The following MNDA variants were observed in gnomAD, a reference collection of about 807,000 sequenced individuals.
The protein encoded by MNDA is epididymis secretory sperm binding protein.
MNDA carries 43 observed loss-of-function variants against 37.8 expected under a neutral mutation model. That is an observed-to-expected ratio of 1.14 (90% confidence interval 0.89 to 1.47). The LOEUF (loss-of-function observed/expected upper bound fraction) is 1.47. Among genes scored for constraint, MNDA ranks in the 40% most tolerant of loss-of-function variants. The pLI, the probability that MNDA is intolerant of heterozygous loss-of-function variation, is 0.00. For missense variants in MNDA, 536 were observed against 476.0 expected (o/e 1.13, Z -1.17); for synonymous variants, 181 against 169.0 (o/e 1.07, Z -0.55).
chr1:158,837,198 T>C (rs1055510959), intron 1 of MNDA, among the ~76,000 whole-genome samples: 2 of 151,912 alleles, frequency 1.3e-5, no homozygotes, highest in Non-Finnish European at 3.0e-5. Context: ...GTTTTGGATA[T>C]ATCTGTTAGA....
At chr1:158,839,085 A>G (rs1558055524) in intron 1 of MNDA, among the ~76,000 whole-genome samples, 1 of 152,078 alleles carries the variant, frequency 6.6e-6, no homozygotes, top group Non-Finnish European at 1.5e-5. Context: ...GTTTCTTTAG[A>G]GAAAGTTTGT....
Position 158,842,326 on chromosome 1 carries a change from G to T in MNDA, c.173G>T (p.Gly58Val), listed in dbSNP as rs1018000326. Residue 58 changes from glycine (G) to valine (V), a missense_variant, in exon 2 of 7, where the codon GGC becomes GTC. Transcript: ENST00000368141. ...GATTTGATGGAAAAAAAGTTCCAAG[G>T]CGTTGCCTGTCTAGACAAACTAATA... ...ITDLMEKKFQ[G>V]VACLDKLIEL... 6.2e-7 allele frequency: 1 copy of T among 1,614,112 alleles called. No homozygotes were observed. The highest frequency in any genetic ancestry group is 8.5e-7 in the Non-Finnish European group (1 of 1,179,998).
intron 3 of MNDA, among the ~76,000 whole-genome samples, chr1:158,843,627 G>A (rs1246965082): frequency 2.0e-5 from 3 of 152,196 alleles, no homozygotes; most frequent in East Asian, 1.9e-4. Flanking sequence ...TAAAAATGGG[G>A]TAATAATCAT....
intron 1 of MNDA, among the ~76,000 whole-genome samples, chr1:158,836,675 C>CTT (rs541019117): frequency 6.6e-6 from 1 of 151,384 alleles, no homozygotes; most frequent in Non-Finnish European, 1.5e-5. Context: ...AAAACCAACT[C>CTT]TTTTTTTTAT....
At chr1:158,839,474 A>C (rs1658987098) in intron 1 of MNDA, among the ~76,000 whole-genome samples, 2 of 152,188 alleles carry the variant, frequency 1.3e-5, no homozygotes, top group South Asian at 4.1e-4. Context: ...AGCTCTCACA[A>C]GCTGGAGCAC....
In MNDA at chr1:158,845,823, T is replaced by C; in HGVS notation, c.807T>C (p.Ser269=). ...TAAGGAAGAAGGTCATTACCATATC[T>C]GATTACTCTGAATGTAAAGGAGTAA... ...KFVRKKVITI[S]DYSECKGVME... The change falls in exon 5 of 7, where the codon TCT becomes TCC. Residue 269 remains serine (S), a synonymous_variant. Coordinates refer to ENST00000368141, the MANE Select transcript of MNDA (RefSeq NM_002432.3). The C allele has an allele frequency of 6.2e-7, 1 of 1,614,132 alleles. No individual in the cohort carries two copies.
intron 1 of MNDA, among the ~76,000 whole-genome samples, chr1:158,836,053 C>A (rs1301482175): frequency 1.3e-5 from 2 of 151,708 alleles, no homozygotes; most frequent in East Asian, 3.9e-4. Context: ...CATGGTGAGC[C>A]ATCATTGCAT....
intron 1 of MNDA, among the ~76,000 whole-genome samples, chr1:158,835,621 CG>C (rs1558054310): frequency 8.6e-5 from 3 of 35,006 alleles, no homozygotes; most frequent in Non-Finnish European, 1.1e-4. Flanking sequence ...TTGGTGGGGG[CG>C]GGGGGTGGGT....
In MNDA at chr1:158,842,211, T is replaced by A; in HGVS notation, c.58T>A (p.Tyr20Asn). ...GAAAGGATTTGAGCTCATGGATGATTATCATTTTACATCAATTAAGTCCTT... is the reference window on the plus strand; with the variant it reads ...GAAAGGATTTGAGCTCATGGATGATAATCATTTTACATCAATTAAGTCCTT... The part of the protein sequence containing the change: ...LLKGFELMDD[Y>N]HFTSIKSLLA... The change falls in exon 2 of 7, where the codon TAT becomes AAT. Residue 20 changes from tyrosine (Y) to asparagine (N), a missense_variant. By Grantham distance (143) the Tyr-to-Asn change is moderately radical. Coordinates refer to ENST00000368141, the MANE Select transcript of MNDA (RefSeq NM_002432.3). 2 of 1,613,996 alleles carry A rather than the reference T, an allele frequency of 1.2e-6. No individual in the cohort carries two copies. The highest frequency in any genetic ancestry group is 1.7e-6 in the Non-Finnish European group (2 of 1,179,890).
intron 2 of MNDA, among the ~76,000 whole-genome samples, chr1:158,843,021 G>A (rs1273351771): frequency 3.3e-5 from 5 of 152,198 alleles, no homozygotes; most frequent in Admixed American, 6.5e-5. Context: ...GGCACATGGA[G>A]TTCACAGGAA....
intron 5 of MNDA, among the ~76,000 whole-genome samples, chr1:158,846,350 G>T (rs1229032580): frequency 6.6e-6 from 1 of 152,156 alleles, no homozygotes; most frequent in Non-Finnish European, 1.5e-5. Flanking sequence ...TTTACTGTGA[G>T]TTTTGATAAA....
chr1:158,833,462 C>T (rs560772663), intron 1 of MNDA, among the ~76,000 whole-genome samples: 10 of 152,312 alleles, frequency 6.6e-5, no homozygotes, highest in Admixed American at 6.5e-4. Context: ...AAAACTCTAA[C>T]CGTTAACCAA....
rs753166099 is a variant in MNDA at position 158,849,249 on chromosome 1, T to C, written c.*12T>C. ...TGAATGTTAATTGAAATATGAAAGC[T>C]GAAATGCAACAAACAACTTCCGCTT... On this transcript the variant is annotated 3_prime_UTR_variant, in exon 7 of 7. Coordinates refer to ENST00000368141, the MANE Select transcript of MNDA (RefSeq NM_002432.3). The C allele has an allele frequency of 9.9e-6, 16 of 1,609,260 alleles. No homozygotes were observed. The African/African-American group carries it at 1.7e-4, about 17-fold the overall frequency.
intron 1 of MNDA, among the ~76,000 whole-genome samples, chr1:158,835,617 G>T (rs1391848810): frequency 2.4e-4 from 17 of 70,704 alleles, no homozygotes; most frequent in African/African-American, 7.8e-4. Context: ...ATTTTTGGTG[G>T]GGGCGGGGGG....
intron 4 of MNDA, among the ~76,000 whole-genome samples, chr1:158,844,585 A>G (rs1248840748): frequency 6.6e-6 from 1 of 151,096 alleles, no homozygotes; most frequent in East Asian, 1.9e-4. Flanking sequence ...AATGCTGTGT[A>G]TACACAGTCG....
At chr1:158,835,607 A>C (rs1333003308) in intron 1 of MNDA, among the ~76,000 whole-genome samples, 4 of 53,332 alleles carry the variant, frequency 7.5e-5, no homozygotes, top group South Asian at 7.8e-4. Flanking sequence ...TTTATTGCCT[A>C]TTTTTGGTGG....
rs1245004913 is a variant in MNDA, at chr1:158,847,928, A to G, written c.1176+12A>G. 2.5e-6 allele frequency: 4 copies of G among 1,604,262 alleles called. No homozygotes were observed. The highest frequency in any genetic ancestry group is 2.3e-5 in the East Asian group (1 of 44,424). On this transcript the variant is annotated intron_variant, in intron 6 of 6. Transcript: ENST00000368141. ...ACAGCTTCATCAAGGTGGGAACTGG[A>G]TAGAGGAGAATGAGTTTGCTAAAGA...
intron 1 of MNDA, among the ~76,000 whole-genome samples, chr1:158,833,776 A>T (rs1437067790): frequency 6.6e-6 from 1 of 152,144 alleles, no homozygotes; most frequent in African/African-American, 2.4e-5. Context: ...TAATACTTTC[A>T]CATTTTTCTG....
Position 158,844,133 on chromosome 1 carries a change from C to G in MNDA, c.570+11C>G. 6.5e-7 allele frequency: 1 copy of G among 1,539,660 alleles called. No homozygotes were observed. The highest frequency in any genetic ancestry group is 1.2e-5 in the South Asian group (1 of 81,954). On this transcript the variant is annotated intron_variant, in intron 4 of 6. Transcript: ENST00000368141. ...ACTTCGTTTACTCCGGTACACTCTT[C>G]CTGGTCCTCTTCTCCATTTTTTTTT...
Sources: allele counts gnomAD v4.1 joint callset (sites outside exome capture counted in the v4.1 genomes callset), GRCh38; gene constraint gnomAD v4.1.1; transcripts MANE v1.5; gene names NCBI Gene and HGNC (gene_info 2026-07-23, HGNC 2026-07-21).